Variants in NME8 observed in about 807,000 individuals in gnomAD.
NME8 encodes the protein NME/NM23 family member 8.
Under a neutral mutation model 82.3 loss-of-function variants are expected in NME8, and 72 were observed. That is an observed-to-expected ratio of 0.87 (90% CI 0.72 to 1.06). The LOEUF is 1.06. NME8 is among the 50% of genes least tolerant of loss of function. The probability of loss-of-function intolerance (pLI) is 0.00; values close to 1 mark genes in which losing one functional copy is unlikely to be tolerated. For synonymous variants in NME8, 267 were observed against 228.5 expected (o/e 1.17, Z -1.52); for missense variants, 712 against 685.4 (o/e 1.04, Z -0.43).
rs775554270 is a variant in NME8, at chr7:37,857,333, T to C, written c.258T>C (p.Phe86=). 1.9e-5 allele frequency: 31 copies of C among 1,607,776 alleles called. No homozygotes were observed. Among genetic ancestry groups the C allele is most frequent in the Non-Finnish European group, 2.6e-5 (30 of 1,174,938 alleles). The change falls in exon 6 of 18, where the codon TTT becomes TTC. Residue 86 remains phenylalanine, a synonymous_variant. Coordinates refer to ENST00000199447, the MANE Select transcript of NME8 (RefSeq NM_016616.5). ...TTAGAGATAAATGTGAACCTGTTTTTCTCTTTAGTGTTGTAAGTATATTTA... is the reference window on the plus strand; with the variant it reads ...TTAGAGATAAATGTGAACCTGTTTTCCTCTTTAGTGTTGTAAGTATATTTA... ...QPFRDKCEPV[F]LFSVNGKIIE...
chr7:37,866,421 A>G (rs1176203731), intron 10 of NME8, among the ~76,000 whole-genome samples: 2 of 152,168 alleles, frequency 1.3e-5, no homozygotes, highest in Non-Finnish European at 2.9e-5. Context: ...TGTAGAAAGA[A>G]AGGGTTATGC....
intron 10 of NME8, among the ~76,000 whole-genome samples, chr7:37,866,059 C>A (rs1022474043): frequency 1.3e-5 from 2 of 152,002 alleles, no homozygotes; most frequent in Non-Finnish European, 2.9e-5. Flanking sequence ...ACCTCCCTAC[C>A]CCACCAACTC....
rs1416011213 is a variant in NME8 at position 37,894,497 on chromosome 7, A to G, written c.1431A>G (p.Gly477=). ...EQILKIVKEA[G]FDLTQVKKMF... is the part of the protein sequence containing the mutation. ...TCCTGAAGATAGTTAAGGAGGCTGG[A>G]TTTGATCTGACACAGGTGAAGAAAA... The change falls in exon 16 of 18, where the codon GGA becomes GGG. Residue 477 remains glycine (G), a synonymous_variant. Transcript: ENST00000199447. 3 of 1,613,234 alleles carry G rather than the reference A, an allele frequency of 1.9e-6. No individual in the cohort carries two copies. The highest frequency in any genetic ancestry group is 1.7e-5 in the Admixed American group (1 of 59,934).
intron 12 of NME8, among the ~76,000 whole-genome samples, chr7:37,882,569 AAGAAAG>A (rs1784966221): frequency 2.8e-5 from 1 of 35,288 alleles, no homozygotes; most frequent in Non-Finnish European, 6.1e-5. Flanking sequence ...GAAAGAAAGA[AAGAAAG>A]AAAGAAAGAA....
At chr7:37,892,247 T>G (rs1349391) in intron 15 of NME8, among the ~76,000 whole-genome samples, 70,716 of 151,520 alleles carry the variant, frequency 0.47, 16,894 homozygotes, top group East Asian at 0.74. Flanking sequence ...ATACATGTTA[T>G]TCTTTTTCAC....
Position 37,885,195 on chromosome 7 carries a change from G to A in NME8, c.1190G>A (p.Trp397Ter). The change falls in exon 14 of 18, where the codon TGG becomes TAG. Residue 397 changes from tryptophan (W) to a stop codon, truncating the protein, a stop_gained. Coordinates refer to ENST00000199447, the MANE Select transcript of NME8 (RefSeq NM_016616.5). LOFTEE classifies it high-confidence loss of function. ...TTGAGAGACAATGGCTTGCAATACT[G>A]GAAACAATTACTGGGACCAAGAACT... ...VLLRDNGLQY[W>*]KQLLGPRTVE... 6.2e-7 allele frequency: 1 copy of A among 1,613,636 alleles called. No homozygotes were observed. The highest frequency in any genetic ancestry group is 1.1e-5 in the South Asian group (1 of 91,064).
In NME8 at chr7:37,896,986, C is replaced by T. The variant is rs751625039; in HGVS notation, c.1661C>T (p.Ala554Val). The change falls in exon 17 of 18, where the codon GCC becomes GTC. Residue 554 changes from alanine (A) to valine (V), a missense_variant. Transcript: ENST00000199447. ...TTACTTTCCCCTGACTCCATCCGAG[C>T]CCAGTTTGGAATAAGTAAATTGAAA... ...AKLLSPDSIRAQFGISKLKNI... is the reference protein window; with the variant it reads ...AKLLSPDSIRVQFGISKLKNI... 1 of 1,613,878 alleles carries T rather than the reference C, an allele frequency of 6.2e-7. No homozygotes were observed. The highest frequency in any genetic ancestry group is 8.5e-7 in the Non-Finnish European group (1 of 1,179,852).
intron 11 of NME8, 41 bp from the exon 12 acceptor site, chr7:37,876,791 C>G (rs770757133): frequency 7.2e-7 from 1 of 1,387,020 alleles, no homozygotes. Flanking sequence ...TTATAAACCT[C>G]AGTTTATAAT....
At chr7:37,886,538 C>T (rs1785043390) in intron 14 of NME8, among the ~76,000 whole-genome samples, 1 of 152,172 alleles carries the variant, frequency 6.6e-6, no homozygotes. Flanking sequence ...AGATTCTATG[C>T]TGGCATTGTT....
At chr7:37,867,439 C>T (rs1406293145) in intron 10 of NME8, among the ~76,000 whole-genome samples, 2 of 152,124 alleles carry the variant, frequency 1.3e-5, no homozygotes, top group Non-Finnish European at 2.9e-5. Context: ...TACAAATTTA[C>T]CCTGCTCTGG....
At chr7:37,883,099 G>A (rs951184679) in intron 12 of NME8, among the ~76,000 whole-genome samples, 4 of 152,034 alleles carry the variant, frequency 2.6e-5, no homozygotes, top group African/African-American at 7.2e-5. Flanking sequence ...ATTGACAATC[G>A]ACCTACTCTC....
In NME8 at chr7:37,885,287, G is replaced by A. The variant is rs182792412; in HGVS notation, c.1247+35G>A. ...ATACCATGGGTCACTATCTGTTTTC[G>A]TGGGCTCCATTTTAAACACCTTTTT... On this transcript the variant is annotated intron_variant, in intron 14 of 17. Transcript: ENST00000199447. 5.4e-5 allele frequency: 71 copies of A among 1,308,152 alleles called. No homozygotes were observed. The East Asian group carries it at 9.8e-4, about 18-fold the overall frequency. The allele number at this position is 1,308,152 out of a possible 1,614,324, so 81.0% of individuals were successfully genotyped here.
chr7:37,895,337 T>G (rs1230296157), intron 16 of NME8, among the ~76,000 whole-genome samples: 1 of 152,150 alleles, frequency 6.6e-6, no homozygotes, highest in Non-Finnish European at 1.5e-5. Flanking sequence ...ATTCCAGGCC[T>G]TGTGATGAGC....
intron 10 of NME8, 34 bp from the exon 11 acceptor site, chr7:37,867,668 C>G: frequency 6.4e-7 from 1 of 1,553,332 alleles, no homozygotes; most frequent in Non-Finnish European, 8.9e-7. Flanking sequence ...ATTTCAGGAG[C>G]CTGAAGGAAA....
At position 37,865,603 on chromosome 7, in the gene NME8, C is replaced by T. The variant is rs142023810; in HGVS notation, c.607C>T (p.Arg203Ter). The change falls in exon 10 of 18, where the codon CGA becomes TGA. Residue 203 changes from arginine (R) to a stop codon, truncating the protein, a stop_gained. Transcript: ENST00000199447. LOFTEE classifies it high-confidence loss of function. ...TEEQVVNFYS[R>*]IADQCDFEEF... is the part of the protein sequence containing the mutation. Reference sequence around the variant, plus strand: ...AGAACAAGTTGTCAACTTCTATAGTCGAATAGCAGACCAGGTATGAAAGTT... The same window carrying T: ...AGAACAAGTTGTCAACTTCTATAGTTGAATAGCAGACCAGGTATGAAAGTT... 62 of 1,608,690 alleles carry T rather than the reference C, an allele frequency of 3.9e-5. No individual in the cohort carries two copies. Among genetic ancestry groups the T allele is most frequent in the Non-Finnish European group, 5.0e-5 (59 of 1,175,404 alleles).
At chr7:37,869,091 A>T (rs1784732711) in intron 11 of NME8, among the ~76,000 whole-genome samples, 1 of 152,156 alleles carries the variant, frequency 6.6e-6, no homozygotes, top group South Asian at 2.1e-4. Flanking sequence ...TCTGGCTGAG[A>T]CTATCCAGAA....
intron 9 of NME8, among the ~76,000 whole-genome samples, chr7:37,865,310 C>T (rs973556479): frequency 1.3e-5 from 2 of 152,200 alleles, no homozygotes; most frequent in Non-Finnish European, 2.9e-5. Flanking sequence ...GAAGGGGCTA[C>T]AGGCCCCAAG....
chr7:37,884,996 C>A (rs1040643865), intron 13 of NME8, 149 bp from the exon 14 acceptor site: 10 of 644,804 alleles, frequency 1.6e-5, no homozygotes, highest in African/African-American at 1.5e-4. Flanking sequence ...AACATATCAA[C>A]GGAAAAAAAT....
At chr7:37,888,077 C>T (rs1785070843) in intron 14 of NME8, among the ~76,000 whole-genome samples, 200 bp from the exon 15 acceptor site, 1 of 152,120 alleles carries the variant, frequency 6.6e-6, no homozygotes, top group Non-Finnish European at 1.5e-5. Context: ...TTTAAATGAT[C>T]ACATCCTTTC....
Sources: allele counts gnomAD v4.1 joint callset (sites outside exome capture counted in the v4.1 genomes callset), GRCh38; gene constraint gnomAD v4.1.1; transcripts MANE v1.5; gene names NCBI Gene and HGNC (gene_info 2026-07-23, HGNC 2026-07-21).